ARHGAP35: variants seen among roughly 807,000 people sequenced by gnomAD.
ARHGAP35 encodes rho GTPase-activating protein 35.
In ARHGAP35, 15 loss-of-function variants were observed where a neutral mutation model predicts 111.1. That is an observed-to-expected ratio of 0.13 (90% CI 0.09 to 0.21). The LOEUF (loss-of-function observed/expected upper bound fraction) is 0.21, where lower values mean the gene tolerates loss of function less well. ARHGAP35 is among the 10% of genes least tolerant of loss of function. ARHGAP35 has a pLI of 1.00. For missense variants in ARHGAP35, 1,262 were observed against 1,873.0 expected (o/e 0.67, Z 6.02); for synonymous variants, 643 against 710.3 (o/e 0.91, Z 1.51).
Position 46,999,458 on chromosome 19 carries a change from C to T in ARHGAP35, c.4142+49C>T. 1 of 1,229,404 alleles carries T rather than the reference C, an allele frequency of 8.1e-7. No homozygotes were observed. Among genetic ancestry groups the T allele is most frequent in the Non-Finnish European group, 1.2e-6 (1 of 855,548 alleles). 76.2% of individuals were successfully genotyped at this position (1,229,404 alleles called of 1,614,324 possible). A position where few individuals can be genotyped will look rare whatever the true frequency, so the allele number is the denominator to read the frequency against. ...GGTTTTTCCTCCTGAAAATTGACAG[C>T]CAGGGTCAGTGTGTCGCAGAACAAG... On this transcript the variant is annotated intron_variant, in intron 6 of 6. Coordinates refer to ENST00000672722, the MANE Select transcript of ARHGAP35 (RefSeq NM_004491.5). The surrounding 1 kb of genome is among the most constrained non-coding windows in gnomAD (Gnocchi z 5.4).
intron 1 of ARHGAP35, among the ~76,000 whole-genome samples, chr19:46,899,641 G>T (rs944019877): frequency 6.6e-6 from 1 of 151,782 alleles, no homozygotes. Flanking sequence ...TTGAGGCTGT[G>T]GTGAGCCATA....
rs750145911 is a variant in ARHGAP35, at chr19:46,922,139, C to G, written c.3464C>G (p.Pro1155Arg). 5 of 1,613,876 alleles carry G rather than the reference C, an allele frequency of 3.1e-6. No homozygotes were observed. The South Asian group carries it at 5.5e-5, about 18-fold the overall frequency. The change falls in exon 2 of 7, where the codon CCA becomes CGA. Residue 1155 changes from proline (P) to arginine (R), a missense_variant. By Grantham distance (103) the Pro-to-Arg change is moderately radical. This residue lies in a region of ARHGAP35 where 579 missense variants were observed against 716.9 expected (regional missense o/e 0.81). Coordinates refer to ENST00000672722, the MANE Select transcript of ARHGAP35 (RefSeq NM_004491.5). The surrounding 1 kb of genome is among the most constrained non-coding windows in gnomAD (Gnocchi z 4.0). ...CGCAAGGTTTCCATCGTGAGCAAGC[C>G]AGTGCTGTACAGGACGAGATGCACC... Reference protein sequence around the residue: ...RGRKVSIVSKPVLYRTRCTRL... With the variant: ...RGRKVSIVSKRVLYRTRCTRL...
intron 1 of ARHGAP35, among the ~76,000 whole-genome samples, chr19:46,873,897 C>T (rs1467385683): frequency 2.6e-5 from 4 of 151,884 alleles, no homozygotes; most frequent in Admixed American, 1.3e-4. Flanking sequence ...TACAGGCATG[C>T]GCCACCACCC....
At chr19:46,931,255 C>T (rs1372746937) in intron 2 of ARHGAP35, among the ~76,000 whole-genome samples, 2 of 152,160 alleles carry the variant, frequency 1.3e-5, no homozygotes, top group Admixed American at 1.3e-4. Flanking sequence ...TGTTTTTGTT[C>T]AGCAAATACA....
intron 5 of ARHGAP35, among the ~76,000 whole-genome samples, chr19:46,998,469 C>T (rs183903176): frequency 1.1e-3 from 172 of 152,326 alleles, no homozygotes; most frequent in Non-Finnish European, 1.5e-3. Context: ...TCACCAGCCC[C>T]GATGCCCTTC....
rs765524656 is a variant in ARHGAP35 at position 47,000,308 on chromosome 19, A to T, written c.4143-23A>T. ...GGTGGGGCCCTGCACAGTTCTGACC[A>T]TTGAGTTTGGTGTCGCCCGCAGGGT... On this transcript the variant is annotated intron_variant, in intron 6 of 6. Transcript: ENST00000672722. This position sits in a 1 kb window ranked among gnomAD's most constrained non-coding sequence, Gnocchi z 6.9. 6.2e-7 allele frequency: 1 copy of T among 1,610,574 alleles called. No individual in the cohort carries two copies. Among genetic ancestry groups the T allele is most frequent in the South Asian group, 1.1e-5 (1 of 90,580 alleles).
At chr19:46,913,126 T>C (rs543365625) in intron 1 of ARHGAP35, among the ~76,000 whole-genome samples, 83 of 151,106 alleles carry the variant, frequency 5.5e-4, no homozygotes, top group African/African-American at 1.9e-3. Context: ...TCAGAAGTTG[T>C]TGAATATTCT....
rs1375787695 is a variant in ARHGAP35, at chr19:46,861,150, G to A, written c.-248G>A. Reference sequence around the variant, plus strand: ...TAGGAGCAGGGGAACATGGCGCCGGGGCCCCCGTCGTTGCTGCCGGGATTT... The same window carrying A: ...TAGGAGCAGGGGAACATGGCGCCGGAGCCCCCGTCGTTGCTGCCGGGATTT... On this transcript the variant is annotated 5_prime_UTR_variant, in exon 1 of 7. Coordinates refer to ENST00000672722, the MANE Select transcript of ARHGAP35 (RefSeq NM_004491.5). 6.6e-6 allele frequency among the ~76,000 whole-genome samples: 1 copy of A among 151,526 alleles called. No homozygotes were observed. Among genetic ancestry groups the A allele is most frequent in the Non-Finnish European group, 1.5e-5 (1 of 67,808 alleles).
At chr19:46,912,991 AT>A (rs1032264170) in intron 1 of ARHGAP35, among the ~76,000 whole-genome samples, 1 of 151,886 alleles carries the variant, frequency 6.6e-6, no homozygotes, top group African/African-American at 2.4e-5. Context: ...CCCTATTGAG[AT>A]TAAGGAAAAT....
intron 3 of ARHGAP35, chr19:46,948,420 G>A (rs1422670963): frequency 6.6e-6 from 1 of 152,182 alleles, no homozygotes; most frequent in Non-Finnish European, 1.5e-5. Context: ...CCACTTCTAG[G>A]TATTTGCCCA....
chr19:46,909,355 G>A (rs1178068968), intron 1 of ARHGAP35, among the ~76,000 whole-genome samples: 5 of 152,100 alleles, frequency 3.3e-5, no homozygotes, highest in Admixed American at 1.3e-4. Context: ...ACAGGCATGC[G>A]AGTTACTAGC....
intron 1 of ARHGAP35, among the ~76,000 whole-genome samples, chr19:46,865,851 T>C (rs187608951): frequency 1.3e-5 from 2 of 152,276 alleles, no homozygotes; most frequent in African/African-American, 4.8e-5. Context: ...TAATCGTGAC[T>C]TTTTTTGAGA....
At chr19:46,968,211 A>G (rs902198752) in intron 3 of ARHGAP35, among the ~76,000 whole-genome samples, 2 of 152,260 alleles carry the variant, frequency 1.3e-5, no homozygotes, top group Admixed American at 6.5e-5. Context: ...GAAGATTCAT[A>G]TAACACTAAG....
chr19:46,959,165 T>C (rs2056461360), intron 3 of ARHGAP35, among the ~76,000 whole-genome samples: 1 of 152,082 alleles, frequency 6.6e-6, no homozygotes, highest in African/African-American at 2.4e-5. Flanking sequence ...ACTGCAACCT[T>C]GACTTCCTGG....
At chr19:46,888,359 CACACA>C (rs2122147536) in intron 1 of ARHGAP35, among the ~76,000 whole-genome samples, 2 of 136,454 alleles carry the variant, frequency 1.5e-5, no homozygotes, top group Admixed American at 1.5e-4. Context: ...CACACACACA[CACACA>C]CCCCACAACA....
Position 46,929,591 on chromosome 19 carries a change from CTTTTTTTTTTTT to C in ARHGAP35, c.3681+7250_3681+7261del, listed in dbSNP as rs55818906. ...TCCGTATATGGTGTTACCTGTTACT[CTTTTTTTTTTTT>C]TTTTTTTTTTTTTTACATAAAACAT... On this transcript the variant is annotated intron_variant, in intron 2 of 6. Transcript: ENST00000672722. Among the ~76,000 whole-genome samples the C allele has an allele frequency of 7.5e-5, 7 of 93,054 alleles. No individual in the cohort carries two copies. The East Asian group carries it at 1.0e-3, about 14-fold the overall frequency. The allele number at this position is 93,054 out of a possible 152,430, so 61.0% of individuals were successfully genotyped here. A position where few individuals can be genotyped will look rare whatever the true frequency, so the allele number is the denominator to read the frequency against.
intron 1 of ARHGAP35, among the ~76,000 whole-genome samples, chr19:46,914,832 A>T (rs2056155469): frequency 6.6e-6 from 1 of 152,164 alleles, no homozygotes. Flanking sequence ...ATTTCTGTGA[A>T]GGGATAAATA....
At position 47,003,916 on chromosome 19, in the gene ARHGAP35, A is replaced by ACG. The variant is rs777306146; in HGVS notation, c.*3230_*3231dup. ...CCGCAGGCCACCAGGCATTCTGGAC[A>ACG]CGCACACACACACACACACACACAC... On this transcript the variant is annotated 3_prime_UTR_variant, in exon 7 of 7. Transcript: ENST00000672722. 3 of 138,176 alleles carry ACG rather than the reference A, an allele frequency of 2.2e-5. No individual in the cohort carries two copies. Among genetic ancestry groups the ACG allele is most frequent in the Admixed American group, 1.5e-4 (2 of 13,664 alleles). 8.6% of individuals were successfully genotyped at this position (138,176 alleles called of 1,614,324 possible).
At chr19:46,985,297 A>G (rs1035237036) in intron 3 of ARHGAP35, among the ~76,000 whole-genome samples, 4 of 152,210 alleles carry the variant, frequency 2.6e-5, no homozygotes, top group African/African-American at 9.6e-5. Context: ...CGGGTGTGCC[A>G]TCTCAAAAGC....
Sources: gnomAD v4.1 joint callset for allele counts (sites outside exome capture counted in the v4.1 genomes callset) on GRCh38, gnomAD v4.1.1 for gene constraint, gnomAD v4.1.1 regional missense constraint, Gnocchi (gnomAD v3.1) non-coding constraint, MANE v1.5 for transcripts, NCBI Gene and HGNC (gene_info 2026-07-23, HGNC 2026-07-21) for gene names.